The following PPFIA2 variants were observed in gnomAD, a reference collection of about 807,000 sequenced individuals.
PPFIA2 encodes the protein liprin-alpha-2.
PPFIA2 carries 46 observed loss-of-function variants against 175.5 expected under a neutral mutation model. The observed-to-expected ratio is 0.26, with a 90% CI of 0.21 to 0.34. PPFIA2 has a LOEUF of 0.34. Ranked by LOEUF, PPFIA2 falls within the 10% of genes least tolerant of loss-of-function variation. The pLI is 1.00. For missense variants in PPFIA2, 1,179 were observed against 1,506.1 expected (o/e 0.78, Z 3.60); for synonymous variants, 568 against 511.4 (o/e 1.11, Z -1.49).
At chr12:81,754,268 T>A (rs1217421532) in intron 2 of PPFIA2, 45 bp from the exon 3 acceptor site, 1 of 1,534,292 alleles carries the variant, frequency 6.5e-7, no homozygotes. Flanking sequence ...AGAAATGATT[T>A]CCAATAATTT....
intron 3 of PPFIA2, among the ~76,000 whole-genome samples, chr12:81,712,901 T>C (rs577540741): frequency 1.2e-3 from 185 of 151,286 alleles, no homozygotes; most frequent in African/African-American, 4.1e-3. Context: ...AGAGAAGTGA[T>C]GGTGTGACTA....
At chr12:81,617,144 T>C (rs2061489706) in intron 4 of PPFIA2, among the ~76,000 whole-genome samples, 1 of 152,198 alleles carries the variant, frequency 6.6e-6, no homozygotes, top group African/African-American at 2.4e-5. Context: ...AAATAATGTA[T>C]GTAAAGCACT....
intron 23 of PPFIA2, among the ~76,000 whole-genome samples, chr12:81,295,517 A>G (rs1039808258): frequency 5.9e-5 from 9 of 152,214 alleles, no homozygotes; most frequent in African/African-American, 1.9e-4. Context: ...CAAAGCATGC[A>G]GTGTAGCTAA....
At chr12:81,301,574 T>C (rs867087333) in intron 22 of PPFIA2, among the ~76,000 whole-genome samples, 1 of 152,176 alleles carries the variant, frequency 6.6e-6, no homozygotes, top group Non-Finnish European at 1.5e-5. Flanking sequence ...TTTCTGTTCA[T>C]AACTCTCCAA....
chr12:81,696,916 A>T (rs1280092587), intron 3 of PPFIA2, among the ~76,000 whole-genome samples: 2 of 151,980 alleles, frequency 1.3e-5, no homozygotes, highest in Non-Finnish European at 2.9e-5. Flanking sequence ...AAAGAAATAG[A>T]GTCCTACCTT....
At chr12:81,724,954 T>TGA (rs2079858239) in intron 3 of PPFIA2, among the ~76,000 whole-genome samples, 1 of 151,076 alleles carries the variant, frequency 6.6e-6, no homozygotes, top group Admixed American at 6.6e-5. Flanking sequence ...GAACAGTGTA[T>TGA]AATAGGTCCT....
At chr12:81,313,400 G>A (rs1482530136) in intron 22 of PPFIA2, among the ~76,000 whole-genome samples, 1 of 152,018 alleles carries the variant, frequency 6.6e-6, no homozygotes, top group East Asian at 1.9e-4. Flanking sequence ...CCCTGCACAT[G>A]CCTCCTCTCA....
intron 4 of PPFIA2, among the ~76,000 whole-genome samples, chr12:81,542,464 T>C (rs1199032503): frequency 1.3e-5 from 2 of 152,180 alleles, no homozygotes; most frequent in Non-Finnish European, 2.9e-5. Context: ...ATAAAATAGA[T>C]ACGTAGAAGT....
At chr12:81,329,906 C>T (rs923071770) in intron 21 of PPFIA2, among the ~76,000 whole-genome samples, 1 of 152,206 alleles carries the variant, frequency 6.6e-6, no homozygotes, top group African/African-American at 2.4e-5. Flanking sequence ...CCAGATGGCA[C>T]TGCCAGCCCT....
At chr12:81,528,262 G>C (rs2063987414) in intron 4 of PPFIA2, among the ~76,000 whole-genome samples, 1 of 152,024 alleles carries the variant, frequency 6.6e-6, no homozygotes, top group Admixed American at 6.6e-5. Flanking sequence ...TCAATTAAGA[G>C]AAATCAAGAA....
At chr12:81,358,019 C>G (rs912765528) in intron 16 of PPFIA2, 63 bp downstream of exon 16, 1 of 1,386,270 alleles carries the variant, frequency 7.2e-7, no homozygotes, top group Admixed American at 2.8e-5. Context: ...TGTTAAAATT[C>G]TATCAAAAAT....
chr12:81,339,122 A>T (rs1480356685), intron 21 of PPFIA2, 58 bp downstream of exon 21: 2 of 1,366,134 alleles, frequency 1.5e-6, no homozygotes, highest in Admixed American at 2.5e-5. Flanking sequence ...AGATAGATGG[A>T]TACTGTGACA....
At chr12:81,548,568 A>T (rs1304931522) in intron 4 of PPFIA2, among the ~76,000 whole-genome samples, 1 of 152,124 alleles carries the variant, frequency 6.6e-6, no homozygotes, top group Non-Finnish European at 1.5e-5. Context: ...CCTGTGCTCA[A>T]GCAATCCTCT....
chr12:81,369,231 G>C, intron 11 of PPFIA2, 37 bp from the exon 12 acceptor site: 1 of 1,592,112 alleles, frequency 6.3e-7, no homozygotes, highest in Non-Finnish European at 8.6e-7. Context: ...TGAAATGTAA[G>C]ATTTGGTTAA....
Position 81,637,843 on chromosome 12 carries a change from C to CA in PPFIA2, c.303+38947dup, listed in dbSNP as rs200234180. On this transcript the variant is annotated intron_variant, in intron 4 of 32. Coordinates refer to ENST00000549396, the MANE Select transcript of PPFIA2 (RefSeq NM_003625.5). ...CCATATACCATGGTCTACTCTTCCA[C>CA]AAAAAAGCACAGTTTCAAATTATCT... Among the ~76,000 whole-genome samples the CA allele has an allele frequency of 4.3e-3, 653 of 151,924 alleles. 19 individuals carry two copies. Among genetic ancestry groups the CA allele is most frequent in the Admixed American group, 0.038 (585 of 15,262 alleles).
chr12:81,300,155 C>T (rs2047462173), intron 22 of PPFIA2, among the ~76,000 whole-genome samples: 1 of 152,162 alleles, frequency 6.6e-6, no homozygotes. Flanking sequence ...TTAGAATTGA[C>T]ATCCACTTAC....
intron 3 of PPFIA2, among the ~76,000 whole-genome samples, chr12:81,691,439 AGGACTCTGC>A (rs2075231168): frequency 6.6e-6 from 1 of 152,246 alleles, no homozygotes; most frequent in African/African-American, 2.4e-5. Flanking sequence ...TGTGTGTGGG[AGGACTCTGC>A]CTTAAAGTAT....
chr12:81,551,475 A>G (rs1223288421), intron 4 of PPFIA2, among the ~76,000 whole-genome samples: 1 of 152,022 alleles, frequency 6.6e-6, no homozygotes, highest in Non-Finnish European at 1.5e-5. Context: ...ACAAATAAAA[A>G]CAAAGTGACT....
At chr12:81,309,379 C>T (rs2050153800) in intron 22 of PPFIA2, among the ~76,000 whole-genome samples, 1 of 151,956 alleles carries the variant, frequency 6.6e-6, no homozygotes, top group Non-Finnish European at 1.5e-5. Context: ...CATAATTATT[C>T]TAAACAGAAA....
Sources: allele counts gnomAD v4.1 joint callset (sites outside exome capture counted in the v4.1 genomes callset), GRCh38; gene constraint gnomAD v4.1.1; transcripts MANE v1.5; gene names NCBI Gene and HGNC (gene_info 2026-07-23, HGNC 2026-07-21).